The following MRE11 variants were observed in gnomAD, a reference collection of about 807,000 sequenced individuals.
MRE11 encodes double-strand break repair protein MRE11.
In MRE11, 62 loss-of-function variants were observed where a neutral mutation model predicts 91.7. That is an observed-to-expected ratio of 0.68 (90% CI 0.55 to 0.84). The LOEUF is 0.84. Ranked by LOEUF, MRE11 falls within the 40% of genes least tolerant of loss-of-function variation. MRE11 has a pLI of 0.00. For missense variants in MRE11, 796 were observed against 852.9 expected (o/e 0.93, Z 0.83); for synonymous variants, 273 against 271.4 (o/e 1.01, Z -0.06).
rs1048654518 is a variant in MRE11, at chr11:94,445,999, T to C, written c.1784-106A>G. ...AAATAAACTTATGTCAAATAGTTTG[T>C]CTGTAAAAAGCCAGACATATATATA... On this transcript the variant is annotated intron_variant, in intron 15 of 19. Transcript: ENST00000323929. 1.4e-5 allele frequency: 12 copies of C among 873,576 alleles called. No homozygotes were observed. The African/African-American group carries it at 1.7e-4, about 12-fold the overall frequency. 54.1% of individuals were successfully genotyped at this position (873,576 alleles called of 1,614,324 possible). A position where few individuals can be genotyped will look rare whatever the true frequency, so the allele number is the denominator to read the frequency against.
At chr11:94,505,811 A>C in the MRE11 span, among the ~76,000 whole-genome samples, 1 of 152,214 alleles carries the variant, frequency 6.6e-6, no homozygotes, top group Non-Finnish European at 1.5e-5. Flanking sequence ...CACACTCTAC[A>C]GGTGTACCTT....
At chr11:94,461,160 G>A (rs1591675332) in intron 11 of MRE11, 124 bp from the exon 12 acceptor site, 9 of 760,678 alleles carry the variant, frequency 1.2e-5, no homozygotes, top group South Asian at 1.8e-5. Flanking sequence ...TGCTCAACAT[G>A]GTAAATTTTG....
chr11:94,464,961 C>T (rs764236298), intron 10 of MRE11, among the ~76,000 whole-genome samples: 8 of 152,190 alleles, frequency 5.3e-5, no homozygotes, highest in Admixed American at 5.2e-4. Context: ...CCCACTTTCA[C>T]TCATCATCAC....
chr11:94,474,057 A>G (rs1312709528), intron 7 of MRE11, among the ~76,000 whole-genome samples: 1 of 152,130 alleles, frequency 6.6e-6, no homozygotes, highest in East Asian at 1.9e-4. Flanking sequence ...ACATATATCT[A>G]TTCCCATAAC....
chr11:94,474,554 GTATT>G (rs1472777819), intron 7 of MRE11, among the ~76,000 whole-genome samples: 1 of 152,100 alleles, frequency 6.6e-6, no homozygotes, highest in Non-Finnish European at 1.5e-5. Flanking sequence ...AAATACCACA[GTATT>G]AATTACTGGA....
chr11:94,467,205 G>C (rs1369619477), intron 10 of MRE11, among the ~76,000 whole-genome samples: 1 of 152,160 alleles, frequency 6.6e-6, no homozygotes, highest in East Asian at 1.9e-4. Flanking sequence ...AAAGGGAAAA[G>C]CATAGTGGTA....
At chr11:94,457,312 C>G (rs1226833125) in intron 13 of MRE11, among the ~76,000 whole-genome samples, 1 of 152,028 alleles carries the variant, frequency 6.6e-6, no homozygotes, top group Non-Finnish European at 1.5e-5. Context: ...GGATCAGGAG[C>G]CTGAGTGGAT....
chr11:94,479,808 G>T, intron 4 of MRE11, 47 bp from the exon 5 acceptor site: 1 of 1,484,466 alleles, frequency 6.7e-7, no homozygotes, highest in Non-Finnish European at 9.3e-7. Flanking sequence ...GACAAAAGCT[G>T]TTTTCCCTAA....
In MRE11 at chr11:94,471,663, A is replaced by C. The variant is rs1020834031; in HGVS notation, c.756T>G (p.Ala252=). ...ACAGCTGTTGTTCATTTTTGGTTGG[A>C]GCTATTTTACACTCATGTTCATGGC... ...IWGHEHECKI[A]PTKNEQQLFY... is the part of the protein sequence containing the mutation. Residue 252 remains alanine (A), a synonymous_variant, in exon 8 of 20, where the codon GCT becomes GCG. Coordinates refer to ENST00000323929, the MANE Select transcript of MRE11 (RefSeq NM_005591.4). The C allele has an allele frequency of 6.2e-7, 1 of 1,612,764 alleles. No homozygotes were observed. The highest frequency in any genetic ancestry group is 8.5e-7 in the Non-Finnish European group (1 of 1,179,198).
chr11:94,497,992 C>A (rs1355808230), upstream of MRE11: 18 of 1,110,908 alleles, frequency 1.6e-5, no homozygotes, highest in African/African-American at 4.7e-5. Context: ...TTAATTAAAT[C>A]TAACACCACA....
intron 14 of MRE11, among the ~76,000 whole-genome samples, chr11:94,448,140 G>A (rs1293005048): frequency 3.9e-5 from 6 of 151,974 alleles, no homozygotes; most frequent in Admixed American, 6.6e-5. Context: ...AAAAATAGCC[G>A]TTATCTCTGG....
intron 11 of MRE11, among the ~76,000 whole-genome samples, chr11:94,462,464 T>C (rs1158230558): frequency 6.6e-6 from 1 of 152,166 alleles, no homozygotes; most frequent in Non-Finnish European, 1.5e-5. Flanking sequence ...AGAGCCCACA[T>C]TGCCAAGACA....
intron 3 of MRE11, among the ~76,000 whole-genome samples, chr11:94,486,876 T>C (rs1412402940): frequency 6.6e-6 from 1 of 152,190 alleles, no homozygotes; most frequent in Non-Finnish European, 1.5e-5. Context: ...AGAAAAAGTC[T>C]AACACAGGCT....
intron 10 of MRE11, 30 bp downstream of exon 10, chr11:94,467,783 T>C (rs771125377): frequency 1.9e-6 from 3 of 1,538,588 alleles, no homozygotes; most frequent in African/African-American, 1.4e-5. Flanking sequence ...TGAAAATTAA[T>C]AATATTCAAT....
At chr11:94,508,863 G>T in the MRE11 span, among the ~76,000 whole-genome samples, 3 of 151,416 alleles carry the variant, frequency 2.0e-5, no homozygotes, top group African/African-American at 7.3e-5. Flanking sequence ...CTGGATTCAA[G>T]CCATTCTCCT....
the MRE11 span, chr11:94,499,219 T>C: frequency 6.5e-6 from 1 of 153,054 alleles, no homozygotes; most frequent in African/African-American, 2.4e-5. Context: ...ACATGATCCT[T>C]AAGCTAATGG....
chr11:94,423,005 G>A (rs1003617907), intron 19 of MRE11, among the ~76,000 whole-genome samples: 4 of 152,116 alleles, frequency 2.6e-5, no homozygotes, highest in Non-Finnish European at 4.4e-5. Flanking sequence ...GAGCTACCGC[G>A]CCCAGCCTGA....
intron 18 of MRE11, among the ~76,000 whole-genome samples, chr11:94,432,935 A>C (rs1200293763): frequency 6.6e-6 from 1 of 152,202 alleles, no homozygotes; most frequent in African/African-American, 2.4e-5. Flanking sequence ...TTTCACATCT[A>C]AAGTGGAACT....
upstream of MRE11, chr11:94,496,881 A>G (rs893157953): frequency 3.0e-5 from 48 of 1,613,872 alleles, no homozygotes; most frequent in Non-Finnish European, 4.0e-5. Context: ...GAAGAGTGGT[A>G]TCGATTGCAA....
Sources: gnomAD v4.1 joint callset for allele counts (sites outside exome capture counted in the v4.1 genomes callset) on GRCh38, gnomAD v4.1.1 for gene constraint, MANE v1.5 for transcripts, NCBI Gene and HGNC (gene_info 2026-07-23, HGNC 2026-07-21) for gene names.